The following CHSY3 variants were observed in gnomAD, a reference collection of about 807,000 sequenced individuals.
The protein encoded by CHSY3 is chondroitin sulfate synthase 3, also known as N-acetylgalactosaminyl-proteoglycan 3-beta-glucuronosyltransferase 3.
CHSY3 carries 35 observed loss-of-function variants against 67.2 expected under a neutral mutation model. The observed-to-expected ratio is 0.52, with a 90% confidence interval of 0.40 to 0.69. The LOEUF (loss-of-function observed/expected upper bound fraction) is 0.69. Among genes scored for constraint, CHSY3 ranks in the 30% least tolerant of loss-of-function variants. The pLI, the probability that CHSY3 is intolerant of heterozygous loss-of-function variation, is 0.00. For synonymous variants in CHSY3, 474 were observed against 434.7 expected (o/e 1.09, Z -1.12); for missense variants, 1,069 against 1,138.5 (o/e 0.94, Z 0.88).
chr5:130,027,683 C>G (rs751890192), intron 2 of CHSY3, among the ~76,000 whole-genome samples: 1 of 150,336 alleles, frequency 6.7e-6, no homozygotes, highest in Admixed American at 6.7e-5. Flanking sequence ...CAAGTGTTCT[C>G]ATTGTTCAAT....
At chr5:129,993,179 A>G (rs574980476) in intron 2 of CHSY3, among the ~76,000 whole-genome samples, 1 of 152,254 alleles carries the variant, frequency 6.6e-6, no homozygotes, top group South Asian at 2.1e-4. Context: ...AAATTAATTC[A>G]TGTTGGAGCC....
At chr5:130,066,387 A>G (rs930670649) in intron 2 of CHSY3, among the ~76,000 whole-genome samples, 1 of 152,120 alleles carries the variant, frequency 6.6e-6, no homozygotes, top group African/African-American at 2.4e-5. Context: ...ACTAAGGAGC[A>G]TAAAAGTTAA....
chr5:129,904,604 T>C lies in CHSY3; in HGVS notation c.-226T>C. 1 of 651,416 alleles carries C rather than the reference T, an allele frequency of 1.5e-6. No individual in the cohort carries two copies. The highest frequency in any genetic ancestry group is 2.1e-6 in the Non-Finnish European group (1 of 471,140). 40.4% of individuals were successfully genotyped at this position (651,416 alleles called of 1,614,324 possible). The stretch of plus-strand genomic sequence containing the variant: ...CGGGAGAAGTTTCACTCCCGACCCT[T>C]GCTCGGAGCCCCGGCCCAGAGCTGA... On this transcript the variant is annotated 5_prime_UTR_variant, in exon 1 of 3. Coordinates refer to ENST00000305031, the MANE Select transcript of CHSY3 (RefSeq NM_175856.5).
chr5:130,131,855 C>T (rs978013334), intron 2 of CHSY3, among the ~76,000 whole-genome samples: 5 of 152,128 alleles, frequency 3.3e-5, no homozygotes, highest in African/African-American at 1.2e-4. Context: ...GAGAAGCAAA[C>T]TCTCCTCTTC....
intron 2 of CHSY3, among the ~76,000 whole-genome samples, chr5:130,086,176 T>C (rs1766615113): frequency 6.6e-6 from 1 of 152,118 alleles, no homozygotes; most frequent in Non-Finnish European, 1.5e-5. Context: ...GTTAACTTTC[T>C]GTCTCGTTGA....
In CHSY3 at chr5:130,057,570, T is replaced by A. The variant is rs1023800521; in HGVS notation, c.1087-126659T>A. On this transcript the variant is annotated intron_variant, in intron 2 of 2. Coordinates refer to ENST00000305031, the MANE Select transcript of CHSY3 (RefSeq NM_175856.5). Reference sequence around the variant, plus strand: ...ATTAATAACCTAGCACAGTTTATCTTACTGTTTGTAGCATTTTTATTCATT... The same window carrying A: ...ATTAATAACCTAGCACAGTTTATCTAACTGTTTGTAGCATTTTTATTCATT... Among the ~76,000 whole-genome samples, 6 of 152,350 alleles carry A rather than the reference T, an allele frequency of 3.9e-5. No homozygotes were observed. The East Asian group carries it at 9.6e-4, about 24-fold the overall frequency.
chr5:130,141,757 T>C, intron 2 of CHSY3: 2 of 475,558 alleles, frequency 4.2e-6, no homozygotes, highest in Admixed American at 4.8e-5. Context: ...AATTATCAAC[T>C]GGCTGGATAA....
chr5:130,103,816 A>G (rs947349876), intron 2 of CHSY3, among the ~76,000 whole-genome samples: 7 of 152,002 alleles, frequency 4.6e-5, no homozygotes, highest in African/African-American at 1.7e-4. Flanking sequence ...CACTCTGAAT[A>G]AAATATTACC....
At chr5:130,130,569 C>T (rs1368077885) in intron 2 of CHSY3, among the ~76,000 whole-genome samples, 1 of 152,140 alleles carries the variant, frequency 6.6e-6, no homozygotes, top group Non-Finnish European at 1.5e-5. Flanking sequence ...AGTCTTTGAC[C>T]AAGACTTACA....
chr5:130,151,394 A>G (rs1769227931), intron 2 of CHSY3, among the ~76,000 whole-genome samples: 1 of 152,226 alleles, frequency 6.6e-6, no homozygotes, highest in South Asian at 2.1e-4. Flanking sequence ...AATGAACAGC[A>G]TGAACTTCAG....
At chr5:130,042,246 T>C (rs1765025087) in intron 2 of CHSY3, among the ~76,000 whole-genome samples, 1 of 152,042 alleles carries the variant, frequency 6.6e-6, no homozygotes, top group Admixed American at 6.6e-5. Context: ...CAAATTTTTT[T>C]TTAAATCTCC....
In CHSY3 at chr5:129,993,807, G is replaced by A. The variant is rs968799631; in HGVS notation, c.1086+85447G>A. On this transcript the variant is annotated intron_variant, in intron 2 of 2. Transcript: ENST00000305031. ...GTTGATGCAGTTTCTTCCTAGCCTC[G>A]ATGGTCTTTACAATTTGGCATGTTT... 3.5e-4 allele frequency among the ~76,000 whole-genome samples: 53 copies of A among 151,520 alleles called. 1 individual carries two copies. Among genetic ancestry groups the A allele is most frequent in the Middle Eastern group, 3.4e-3 (1 of 294 alleles).
At chr5:130,007,415 T>TGGAAGGA (rs1032982389) in intron 2 of CHSY3, among the ~76,000 whole-genome samples, 13 of 151,714 alleles carry the variant, frequency 8.6e-5, no homozygotes, top group African/African-American at 3.1e-4. Context: ...TAATAGAGAA[T>TGGAAGGA]GGAAGGAGGA....
intron 2 of CHSY3, among the ~76,000 whole-genome samples, chr5:130,136,878 A>C (rs1768681979): frequency 6.6e-6 from 1 of 152,162 alleles, no homozygotes; most frequent in African/African-American, 2.4e-5. Flanking sequence ...GATCATCACC[A>C]ATAAGTGAGT....
rs1370480566 is a variant in CHSY3 at position 130,133,006 on chromosome 5, G to C, written c.1087-51223G>C. Among the ~76,000 whole-genome samples the C allele has an allele frequency of 3.9e-5, 6 of 152,150 alleles. No individual in the cohort carries two copies. In the South Asian group the frequency reaches 1.0e-3, roughly 26 times the overall value. ...CTCTTCAGTAGGCATAATTCATTCAGAAAGTATTTATTTATTATACTATTA... is the reference window on the plus strand; with the variant it reads ...CTCTTCAGTAGGCATAATTCATTCACAAAGTATTTATTTATTATACTATTA... On this transcript the variant is annotated intron_variant, in intron 2 of 2. Coordinates refer to ENST00000305031, the MANE Select transcript of CHSY3 (RefSeq NM_175856.5).
At chr5:129,993,402 G>A (rs978532879) in intron 2 of CHSY3, among the ~76,000 whole-genome samples, 6 of 152,192 alleles carry the variant, frequency 3.9e-5, no homozygotes, top group African/African-American at 1.2e-4. Flanking sequence ...CCTGTATTGG[G>A]TGCATATATA....
Position 130,143,735 on chromosome 5 carries a change from T to TAC in CHSY3, c.1087-40493_1087-40492insCA, listed in dbSNP as rs1491399777. ...ATATATATATATGTGTGTGTGTGTG[T>TAC]ATATATATATATATATATATATGTG... On this transcript the variant is annotated intron_variant, in intron 2 of 2. Coordinates refer to ENST00000305031, the MANE Select transcript of CHSY3 (RefSeq NM_175856.5). Among the ~76,000 whole-genome samples, 83 of 81,162 alleles carry TAC rather than the reference T, an allele frequency of 1.0e-3. 8 individuals carry two copies. In the South Asian group the frequency reaches 0.01, roughly 10 times the overall value. 53.2% of individuals were successfully genotyped at this position (81,162 alleles called of 152,430 possible).
intron 2 of CHSY3, among the ~76,000 whole-genome samples, chr5:130,143,533 C>T (rs1768940332): frequency 6.6e-6 from 1 of 151,520 alleles, no homozygotes; most frequent in South Asian, 2.1e-4. Context: ...TGCTCATTCT[C>T]ATGATATATT....
intron 2 of CHSY3, among the ~76,000 whole-genome samples, chr5:129,915,443 G>A (rs537067545): frequency 6.6e-6 from 1 of 152,268 alleles, no homozygotes; most frequent in Admixed American, 6.5e-5. Context: ...TGTATAACAC[G>A]TTTCTAAATT....
Sources: allele counts gnomAD v4.1 joint callset (sites outside exome capture counted in the v4.1 genomes callset), GRCh38; gene constraint gnomAD v4.1.1; transcripts MANE v1.5; gene names NCBI Gene and HGNC (gene_info 2026-07-23, HGNC 2026-07-21).